PPIP5K2: variants seen among roughly 807,000 people sequenced by gnomAD.
The protein encoded by PPIP5K2 is inositol hexakisphosphate and diphosphoinositol-pentakisphosphate kinase 2.
PPIP5K2 carries 105 observed loss-of-function variants against 154.6 expected under a neutral mutation model. The observed-to-expected ratio is 0.68, with a 90% CI of 0.58 to 0.80. PPIP5K2 has a LOEUF of 0.80. Ranked by LOEUF, PPIP5K2 falls within the 30% of genes least tolerant of loss-of-function variation. The pLI, the probability that PPIP5K2 is intolerant of heterozygous loss-of-function variation, is 0.00. For missense variants in PPIP5K2, 992 were observed against 1,504.6 expected (o/e 0.66, Z 5.64); for synonymous variants, 480 against 490.3 (o/e 0.98, Z 0.28).
At chr5:103,149,105 C>A (rs892138977) in intron 7 of PPIP5K2, 47 bp from the exon 8 acceptor site, 2 of 1,394,714 alleles carry the variant, frequency 1.4e-6, no homozygotes, top group Non-Finnish European at 1.9e-6. Flanking sequence ...CACACACACA[C>A]ACACATACAT....
chr5:103,194,877 C>A lies in PPIP5K2; in HGVS notation c.3494-23C>A, dbSNP rs555109133. On this transcript the variant is annotated intron_variant, in intron 29 of 30. Coordinates refer to ENST00000358359, the MANE Select transcript of PPIP5K2 (RefSeq NM_001276277.3). ...AATTGGCAGGAAATTATTAAATTAA[C>A]ATGTTTGTTTATTTTTTTTCAGCCT... The A allele has an allele frequency of 1.4e-5, 22 of 1,592,524 alleles. No homozygotes were observed. The African/African-American group carries it at 2.4e-4, about 18-fold the overall frequency.
chr5:103,149,473 AAT>A (rs1421167931), intron 8 of PPIP5K2, among the ~76,000 whole-genome samples, 160 bp downstream of exon 8: 1 of 152,206 alleles, frequency 6.6e-6, no homozygotes, highest in Non-Finnish European at 1.5e-5. Context: ...TTGTGGTGCC[AAT>A]ATATTCTTTT....
intron 30 of PPIP5K2, among the ~76,000 whole-genome samples, chr5:103,197,798 G>A (rs534334225): frequency 8.2e-4 from 124 of 151,294 alleles, no homozygotes; most frequent in Middle Eastern, 6.8e-3. Context: ...GGCTGGTCTC[G>A]AACTCCTGAC....
intron 14 of PPIP5K2, 55 bp from the exon 15 acceptor site, chr5:103,158,133 G>C: frequency 6.4e-7 from 1 of 1,559,428 alleles, no homozygotes; most frequent in Non-Finnish European, 8.8e-7. Flanking sequence ...TGAATCTTAA[G>C]TCTGTTTAAA....
rs58392548 is a variant in PPIP5K2, at chr5:103,154,817, A to T, written c.1294-17A>T. The T allele has an allele frequency of 1.1e-5, 17 of 1,548,906 alleles. No homozygotes were observed. Among genetic ancestry groups the T allele is most frequent in the Admixed American group, 2.1e-5 (1 of 48,484 alleles). On this transcript the variant is annotated splice_polypyrimidine_tract_variant and intron_variant, in intron 12 of 30. Transcript: ENST00000358359. ...AAATTACATAAAAATTCAATTTTTT[A>T]TTAATTTATTTTATAGGAAGTGCTA...
At chr5:103,152,369 G>T (rs548087164) in intron 9 of PPIP5K2, among the ~76,000 whole-genome samples, 1 of 152,000 alleles carries the variant, frequency 6.6e-6, no homozygotes, top group South Asian at 2.1e-4. Context: ...AGTTAGATGT[G>T]ATGTAATTGT....
Position 103,129,489 on chromosome 5 carries a change from C to A in PPIP5K2, c.-101C>A. 1.1e-6 allele frequency: 1 copy of A among 898,388 alleles called. No individual in the cohort carries two copies. The highest frequency in any genetic ancestry group is 1.6e-6 in the Non-Finnish European group (1 of 628,786). The allele number at this position is 898,388 out of a possible 1,614,324, so 55.7% of individuals were successfully genotyped here. ...AGAAACAAGCTGTCACAGACCTGTG[C>A]GTCAGCTAATATATGGAGAATGCTT... On this transcript the variant is annotated 5_prime_UTR_variant, in exon 2 of 31. Transcript: ENST00000358359.
intron 3 of PPIP5K2, among the ~76,000 whole-genome samples, chr5:103,134,837 G>A (rs1209783929): frequency 1.3e-5 from 2 of 152,172 alleles, no homozygotes; most frequent in Non-Finnish European, 2.9e-5. Context: ...TACAAGCGAT[G>A]AATTCTGAGA....
chr5:103,155,024 A>G (rs1795187414), intron 13 of PPIP5K2, 81 bp downstream of exon 13: 14 of 780,940 alleles, frequency 1.8e-5, no homozygotes. Context: ...CATTTTAATT[A>G]CTTTCACAGT....
rs781863450 is a variant in PPIP5K2, at chr5:103,177,769, A to G, written c.2632A>G (p.Asn878Asp). ...QIVIMLYEDP[N>D]KDLSSEERFH... ...TGTTATCATGCTTTATGAGGATCCT[A>G]ATAAGGTAAACAGAGCTCTTGATTT... The change falls in exon 22 of 31, where the codon AAT becomes GAT. Residue 878 changes from asparagine (N) to aspartate (D), a missense_variant. Around this residue, in one of 9 missense-constraint regions of PPIP5K2, gnomAD observed 157 missense variants for 281.2 expected, o/e 0.56. Coordinates refer to ENST00000358359, the MANE Select transcript of PPIP5K2 (RefSeq NM_001276277.3). 2.4e-5 allele frequency: 38 copies of G among 1,605,966 alleles called. No homozygotes were observed. The highest frequency in any genetic ancestry group is 3.2e-5 in the Non-Finnish European group (37 of 1,173,848).
intron 23 of PPIP5K2, among the ~76,000 whole-genome samples, chr5:103,178,984 A>G (rs1437927663): frequency 6.6e-6 from 1 of 151,684 alleles, no homozygotes; most frequent in Non-Finnish European, 1.5e-5. Context: ...TTTGTATAAA[A>G]ATTTTATAGC....
chr5:103,161,350 A>G (rs1199948827), intron 17 of PPIP5K2, among the ~76,000 whole-genome samples: 2 of 152,124 alleles, frequency 1.3e-5, no homozygotes, highest in African/African-American at 2.4e-5. Flanking sequence ...TTCTTAATCT[A>G]GTCTATCATT....
chr5:103,168,355 G>T, intron 19 of PPIP5K2, 60 bp downstream of exon 19: 3 of 1,324,190 alleles, frequency 2.3e-6, no homozygotes, highest in Non-Finnish European at 1.1e-6. Flanking sequence ...TAAAATGTCT[G>T]TTGGTGGATA....
intron 14 of PPIP5K2, 140 bp downstream of exon 14, chr5:103,156,134 G>C (rs551507566): frequency 3.5e-6 from 2 of 568,926 alleles, no homozygotes; most frequent in East Asian, 6.0e-5. Flanking sequence ...TATCTTAGCT[G>C]TGCTTCCTTT....
chr5:103,137,147 T>C (rs1554204609), intron 4 of PPIP5K2, among the ~76,000 whole-genome samples: 1 of 151,976 alleles, frequency 6.6e-6, no homozygotes, highest in Admixed American at 6.6e-5. Flanking sequence ...ATTAGGACTT[T>C]ACTCATTATA....
chr5:103,155,646 G>A (rs1353578120), intron 13 of PPIP5K2, among the ~76,000 whole-genome samples: 5 of 151,408 alleles, frequency 3.3e-5, no homozygotes, highest in Non-Finnish European at 5.9e-5. Context: ...GGCTGGTCTC[G>A]AACTCCTGAC....
At chr5:103,136,544 T>C (rs1305514529) in intron 3 of PPIP5K2, among the ~76,000 whole-genome samples, 188 bp from the exon 4 acceptor site, 2 of 152,162 alleles carry the variant, frequency 1.3e-5, no homozygotes, top group African/African-American at 4.8e-5. Context: ...CTTAATCAAA[T>C]TATGAAAAAA....
chr5:103,186,223 A>G (rs1270870257), intron 26 of PPIP5K2, 97 bp from the exon 27 acceptor site: 5 of 1,507,532 alleles, frequency 3.3e-6, no homozygotes, highest in Admixed American at 1.9e-5. Flanking sequence ...AGGTTGCCTT[A>G]TATGTGGTAA....
chr5:103,196,061 A>T (rs1299605230), intron 30 of PPIP5K2, among the ~76,000 whole-genome samples: 1 of 152,190 alleles, frequency 6.6e-6, no homozygotes, highest in Non-Finnish European at 1.5e-5. Context: ...ACACATTGTA[A>T]ACACTTACTA....
Sources: allele counts gnomAD v4.1 joint callset (sites outside exome capture counted in the v4.1 genomes callset), GRCh38; gene constraint gnomAD v4.1.1; regional missense constraint gnomAD v4.1.1; transcripts MANE v1.5; gene names NCBI Gene and HGNC (gene_info 2026-07-23, HGNC 2026-07-21).